The following SH3PXD2A variants were observed in gnomAD, a reference collection of about 807,000 sequenced individuals.
SH3PXD2A encodes SH3 and PX domains 2A.
SH3PXD2A carries 32 observed loss-of-function variants against 115.2 expected under a neutral mutation model. The observed-to-expected ratio is 0.28, with a 90% CI of 0.21 to 0.37. SH3PXD2A has a LOEUF of 0.37. SH3PXD2A is among the 10% of genes least tolerant of loss of function. The probability of loss-of-function intolerance (pLI) is 1.00; values close to 1 mark genes in which losing one functional copy is unlikely to be tolerated. For synonymous variants in SH3PXD2A, 610 were observed against 629.1 expected (o/e 0.97, Z 0.45); for missense variants, 1,328 against 1,498.7 (o/e 0.89, Z 1.88).
At chr10:103,765,287 T>C (rs1451869553) in intron 3 of SH3PXD2A, among the ~76,000 whole-genome samples, 1 of 152,162 alleles carries the variant, frequency 6.6e-6, no homozygotes, top group Non-Finnish European at 1.5e-5. Flanking sequence ...GGGGGCCAGC[T>C]CCAGGCCCCC....
At position 103,603,128 on chromosome 10, in the gene SH3PXD2A, TTGATGG is replaced by T; in HGVS notation, c.2084_2089del (p.Thr695_Ile696del). On this transcript the variant is annotated inframe_deletion, in exon 15 of 15. Transcript: ENST00000369774. ...GGAAGAGGAGGAGCAGCAAGTGGTG[TTGATGG>T]TGATGGATGAGGAAAAGGAGGCTGA... 1.2e-6 allele frequency: 2 copies of T among 1,613,236 alleles called. No homozygotes were observed. Among genetic ancestry groups the T allele is most frequent in the East Asian group, 4.5e-5 (2 of 44,876 alleles).
Position 103,839,337 on chromosome 10 carries a change from C to T in SH3PXD2A, c.72+15858G>A, listed in dbSNP as rs143267131. 1.7e-3 allele frequency among the ~76,000 whole-genome samples: 266 copies of T among 152,318 alleles called. 2 individuals are homozygous for T. The highest frequency in any genetic ancestry group is 0.01 in the South Asian group (49 of 4,826). ...GTCAGGAGAACAGCAATTGTGTCAGCTCTGAACATGCACATGCGAAGGATT... is the reference window on the plus strand; with the variant it reads ...GTCAGGAGAACAGCAATTGTGTCAGTTCTGAACATGCACATGCGAAGGATT... On this transcript the variant is annotated intron_variant, in intron 1 of 14. Transcript: ENST00000369774.
At chr10:103,765,795 G>A (rs1179715751) in intron 3 of SH3PXD2A, among the ~76,000 whole-genome samples, 1 of 152,214 alleles carries the variant, frequency 6.6e-6, no homozygotes, top group Non-Finnish European at 1.5e-5. Flanking sequence ...CAACCTGGAT[G>A]CTGGACATTC....
intron 1 of SH3PXD2A, among the ~76,000 whole-genome samples, chr10:103,807,554 T>C (rs748770802): frequency 1.6e-4 from 24 of 152,256 alleles, no homozygotes; most frequent in Admixed American, 5.2e-4. Context: ...AGTTGTTCAC[T>C]GCCCAGTGGT....
chr10:103,620,247 C>A lies in SH3PXD2A; in HGVS notation c.802+2223G>T, dbSNP rs970594307. On this transcript the variant is annotated intron_variant, in intron 10 of 14. Transcript: ENST00000369774. The surrounding 1 kb of genome is among the most constrained non-coding windows in gnomAD (Gnocchi z 5.3). ...CCGGGCTTCTGGGAAGCACTGGGGC[C>A]GTGAACACTGACCACGCCACCAGGA... is the stretch of plus-strand genomic sequence containing the variant. Among the ~76,000 whole-genome samples the A allele has an allele frequency of 6.6e-6, 1 of 152,168 alleles. No individual in the cohort carries two copies. The highest frequency in any genetic ancestry group is 1.5e-5 in the Non-Finnish European group (1 of 68,024).
chr10:103,618,868 C>T (rs1206834328), intron 10 of SH3PXD2A, among the ~76,000 whole-genome samples: 1 of 152,174 alleles, frequency 6.6e-6, no homozygotes, highest in East Asian at 1.9e-4. Context: ...CACCCCAACC[C>T]CCAGCTGTGG....
At chr10:103,622,648 G>GC in intron 9 of SH3PXD2A, 95 bp from the exon 10 acceptor site, 11 of 555,436 alleles carry the variant, frequency 2.0e-5, no homozygotes, top group East Asian at 4.0e-5. Flanking sequence ...GGAGGAAGGG[G>GC]CACAGGGAGG....
chr10:103,651,753 A>G (rs2037127219), intron 8 of SH3PXD2A, among the ~76,000 whole-genome samples: 1 of 152,242 alleles, frequency 6.6e-6, no homozygotes, highest in Admixed American at 6.5e-5. Context: ...CACCTTTAAA[A>G]AAGTCCAAAA....
chr10:103,842,186 C>T (rs2039607465), intron 1 of SH3PXD2A, among the ~76,000 whole-genome samples: 3 of 123,168 alleles, frequency 2.4e-5, no homozygotes, highest in Non-Finnish European at 5.2e-5. Context: ...GTCTCCCTCA[C>T]CTGGCTTTAG....
chr10:103,841,886 A>G (rs2039602294), intron 1 of SH3PXD2A, among the ~76,000 whole-genome samples: 1 of 152,192 alleles, frequency 6.6e-6, no homozygotes, highest in Non-Finnish European at 1.5e-5. Context: ...GCACTCTGGG[A>G]GGCCGAGACG....
chr10:103,628,827 C>A (rs1019805782), intron 8 of SH3PXD2A, among the ~76,000 whole-genome samples: 1 of 152,204 alleles, frequency 6.6e-6, no homozygotes, highest in African/African-American at 2.4e-5. Context: ...GCTGGTGAAG[C>A]AATGCCACTG....
chr10:103,626,375 G>A (rs2036694473), intron 9 of SH3PXD2A, among the ~76,000 whole-genome samples: 1 of 152,204 alleles, frequency 6.6e-6, no homozygotes, highest in Non-Finnish European at 1.5e-5. Flanking sequence ...CAACCGTTAG[G>A]GAAAGAATTC....
intron 1 of SH3PXD2A, among the ~76,000 whole-genome samples, chr10:103,801,803 A>G (rs1313631737): frequency 6.6e-6 from 1 of 152,172 alleles, no homozygotes; most frequent in African/African-American, 2.4e-5. Flanking sequence ...TCCCTGGTTC[A>G]AGCAATTCTC....
intron 2 of SH3PXD2A, among the ~76,000 whole-genome samples, chr10:103,778,642 C>T (rs991675455): frequency 1.6e-4 from 24 of 152,212 alleles, no homozygotes; most frequent in African/African-American, 4.8e-4. Context: ...CTGGCCTTAC[C>T]GTGAGTGCTA....
At chr10:103,677,838 G>C (rs1332241917) in intron 6 of SH3PXD2A, among the ~76,000 whole-genome samples, 1 of 152,170 alleles carries the variant, frequency 6.6e-6, no homozygotes, top group Non-Finnish European at 1.5e-5. Context: ...CTGCTCTCAA[G>C]CCCAAGGGTG....
intron 1 of SH3PXD2A, among the ~76,000 whole-genome samples, chr10:103,836,707 C>CACA (rs1564900995): frequency 6.8e-5 from 4 of 59,130 alleles, no homozygotes; most frequent in African/African-American, 2.0e-4. Flanking sequence ...ACACACACAC[C>CACA]CCTTCTTTTC....
At chr10:103,738,789 A>AACTCTC (rs1312364092) in intron 3 of SH3PXD2A, among the ~76,000 whole-genome samples, 1 of 151,366 alleles carries the variant, frequency 6.6e-6, no homozygotes, top group African/African-American at 2.4e-5. Context: ...TTGCAGACAG[A>AACTCTC]ACTCTCTTTT....
chr10:103,619,438 A>G (rs1161909892), intron 10 of SH3PXD2A, among the ~76,000 whole-genome samples: 1 of 152,196 alleles, frequency 6.6e-6, no homozygotes, highest in Non-Finnish European at 1.5e-5. Context: ...GCTATTTTTA[A>G]AAGTCTGTGG....
intron 2 of SH3PXD2A, among the ~76,000 whole-genome samples, chr10:103,767,821 T>G (rs1050914477): frequency 4.7e-5 from 7 of 148,258 alleles, no homozygotes; most frequent in Admixed American, 1.3e-4. Flanking sequence ...TTTTTTTTTT[T>G]TTTTTTTTTT....
Sources: gnomAD v4.1 joint callset for allele counts (sites outside exome capture counted in the v4.1 genomes callset) on GRCh38, gnomAD v4.1.1 for gene constraint, Gnocchi (gnomAD v3.1) non-coding constraint, MANE v1.5 for transcripts, NCBI Gene and HGNC (gene_info 2026-07-23, HGNC 2026-07-21) for gene names.